The following PTPRM variants were observed in gnomAD, a reference collection of about 807,000 sequenced individuals.
PTPRM encodes receptor-type tyrosine-protein phosphatase mu.
PTPRM carries 47 observed loss-of-function variants against 186.7 expected under a neutral mutation model. The observed-to-expected ratio is 0.25, with a 90% CI of 0.20 to 0.32. PTPRM has a LOEUF of 0.32. Among genes scored for constraint, PTPRM ranks in the 10% least tolerant of loss-of-function variants. The probability of loss-of-function intolerance (pLI) is 1.00; values close to 1 mark genes in which losing one functional copy is unlikely to be tolerated. For missense variants in PTPRM, 1,494 were observed against 1,865.0 expected (o/e 0.80, Z 3.66); for synonymous variants, 668 against 674.9 (o/e 0.99, Z 0.16).
At chr18:7,870,638 C>T (rs1172385996) in intron 2 of PTPRM, among the ~76,000 whole-genome samples, 1 of 152,116 alleles carries the variant, frequency 6.6e-6, no homozygotes, top group Admixed American at 6.5e-5. Flanking sequence ...CATTACACTG[C>T]CTACCAATCA....
At chr18:8,199,363 A>G (rs2093821996) in intron 14 of PTPRM, among the ~76,000 whole-genome samples, 1 of 152,158 alleles carries the variant, frequency 6.6e-6, no homozygotes, top group Non-Finnish European at 1.5e-5. Context: ...CCTCACTCAT[A>G]TCCTGCTTCA....
intron 7 of PTPRM, among the ~76,000 whole-genome samples, chr18:8,030,604 T>G (rs1484046741): frequency 6.6e-6 from 1 of 152,252 alleles, no homozygotes; most frequent in African/African-American, 2.4e-5. Context: ...ATTAAGTTCT[T>G]TCAATTCCAT....
At position 8,247,822 on chromosome 18, in the gene PTPRM, A is replaced by T. The variant is rs200213947; in HGVS notation, c.2453-23A>T. On this transcript the variant is annotated intron_variant, in intron 15 of 32. Transcript: ENST00000580170. ...GTGTATTACCTCTCTGCTGCCCCTG[A>T]CCAGCCTCTCTTTTATTTACAGCTG... is the stretch of plus-strand genomic sequence containing the variant. 4 of 1,545,808 alleles carry T rather than the reference A, an allele frequency of 2.6e-6. No homozygotes were observed. In the East Asian group the frequency reaches 9.0e-5, roughly 35 times the overall value.
At chr18:8,396,212 C>T (rs956336238) in intron 32 of PTPRM, among the ~76,000 whole-genome samples, 1 of 152,184 alleles carries the variant, frequency 6.6e-6, no homozygotes, top group Non-Finnish European at 1.5e-5. Flanking sequence ...GCCATGCTGT[C>T]GGCAGAGGCC....
intron 7 of PTPRM, among the ~76,000 whole-genome samples, chr18:8,057,288 A>G (rs933360722): frequency 1.2e-4 from 18 of 152,190 alleles, no homozygotes; most frequent in Admixed American, 2.0e-4. Context: ...TACACAGAAT[A>G]TTGTTTTATT....
chr18:8,337,028 G>A (rs1014954652), intron 22 of PTPRM, among the ~76,000 whole-genome samples: 7 of 151,870 alleles, frequency 4.6e-5, no homozygotes, highest in African/African-American at 1.7e-4. Context: ...GAAAAGAAGT[G>A]GAAAGAAAAG....
intron 21 of PTPRM, among the ~76,000 whole-genome samples, chr18:8,318,738 A>G (rs949196204): frequency 6.6e-6 from 1 of 152,250 alleles, no homozygotes; most frequent in African/African-American, 2.4e-5. Flanking sequence ...GTGTTTAAGA[A>G]TGGTTTTGAG....
intron 7 of PTPRM, among the ~76,000 whole-genome samples, chr18:7,987,896 A>T (rs913001544): frequency 6.6e-6 from 1 of 151,968 alleles, no homozygotes; most frequent in Admixed American, 6.6e-5. Flanking sequence ...AATGTAAATG[A>T]TAGCAGGCAC....
chr18:7,818,394 C>T (rs2044971486), intron 2 of PTPRM, among the ~76,000 whole-genome samples: 1 of 152,126 alleles, frequency 6.6e-6, no homozygotes, highest in Non-Finnish European at 1.5e-5. Flanking sequence ...AAGATTAATT[C>T]CTTCCTTCTT....
intron 1 of PTPRM, among the ~76,000 whole-genome samples, chr18:7,662,074 G>C (rs886123201): frequency 6.6e-6 from 1 of 151,938 alleles, no homozygotes; most frequent in African/African-American, 2.4e-5. Flanking sequence ...GGTGCCACCG[G>C]TGGGTGCCAC....
chr18:8,272,086 G>A (rs527770980), intron 19 of PTPRM, among the ~76,000 whole-genome samples: 9 of 151,632 alleles, frequency 5.9e-5, no homozygotes, highest in South Asian at 2.1e-4. Context: ...GGTGGTGGGC[G>A]CCTGTAATCC....
At chr18:8,014,669 G>T (rs948060199) in intron 7 of PTPRM, among the ~76,000 whole-genome samples, 2 of 152,170 alleles carry the variant, frequency 1.3e-5, no homozygotes, top group African/African-American at 4.8e-5. Flanking sequence ...AAAATTTGTA[G>T]ATGGGTCTAA....
chr18:7,661,049 A>ATGAAACACT (rs2038968649), intron 1 of PTPRM, among the ~76,000 whole-genome samples: 1 of 152,218 alleles, frequency 6.6e-6, no homozygotes, highest in Non-Finnish European at 1.5e-5. Flanking sequence ...TAGTGACAGG[A>ATGAAACACT]TGAATCACTT....
intron 7 of PTPRM, among the ~76,000 whole-genome samples, chr18:7,994,012 A>C (rs761114116): frequency 2.2e-4 from 34 of 152,218 alleles, no homozygotes; most frequent in Non-Finnish European, 4.1e-4. Flanking sequence ...AAAGATATGG[A>C]CTCACTGAAT....
chr18:8,036,151 C>T (rs956489494), intron 7 of PTPRM, among the ~76,000 whole-genome samples: 2 of 152,170 alleles, frequency 1.3e-5, no homozygotes, highest in African/African-American at 4.8e-5. Context: ...ATGATAGCTC[C>T]TCACATGGCG....
chr18:7,904,846 G>T (rs1272354521), intron 3 of PTPRM, among the ~76,000 whole-genome samples: 1 of 152,178 alleles, frequency 6.6e-6, no homozygotes, highest in East Asian at 1.9e-4. Flanking sequence ...CGGTGAGATA[G>T]TTTCATTCTG....
At chr18:8,160,184 A>T (rs949790066) in intron 14 of PTPRM, among the ~76,000 whole-genome samples, 1 of 152,188 alleles carries the variant, frequency 6.6e-6, no homozygotes, top group Non-Finnish European at 1.5e-5. Flanking sequence ...AACCAACATC[A>T]ATTGAGATTA....
intron 2 of PTPRM, among the ~76,000 whole-genome samples, chr18:7,847,786 A>G (rs1430296061): frequency 6.6e-6 from 1 of 152,154 alleles, no homozygotes; most frequent in Non-Finnish European, 1.5e-5. Context: ...CAAATGATGT[A>G]TTCACTGTTA....
chr18:8,235,206 T>C (rs750969814), intron 14 of PTPRM, among the ~76,000 whole-genome samples: 6 of 152,148 alleles, frequency 3.9e-5, no homozygotes, highest in Non-Finnish European at 7.4e-5. Flanking sequence ...CTGAGCCTGG[T>C]ACTTCATGTT....
Sources: allele counts gnomAD v4.1 joint callset (sites outside exome capture counted in the v4.1 genomes callset), GRCh38; gene constraint gnomAD v4.1.1; transcripts MANE v1.5; gene names NCBI Gene and HGNC (gene_info 2026-07-23, HGNC 2026-07-21).